Variants in PUM1 observed in about 807,000 individuals in gnomAD.
PUM1 encodes pumilio RNA binding family member 1, also known as pumilio homolog 1.
PUM1 carries 13 observed loss-of-function variants against 131.8 expected under a neutral mutation model. The ratio of observed to expected loss-of-function variants is 0.10; its 90% CI spans 0.06 to 0.16. The LOEUF (loss-of-function observed/expected upper bound fraction) is 0.16. PUM1 is among the 10% of genes least tolerant of loss of function. The pLI is 1.00. For missense variants in PUM1, 961 were observed against 1,512.4 expected (o/e 0.64, Z 6.05); for synonymous variants, 509 against 556.5 (o/e 0.91, Z 1.20).
At chr1:31,021,039 A>G (rs1169102164) in intron 3 of PUM1, among the ~76,000 whole-genome samples, 1 of 152,230 alleles carries the variant, frequency 6.6e-6, no homozygotes, top group Non-Finnish European at 1.5e-5. Flanking sequence ...TAATGAGGAT[A>G]TATTTCCATG....
intron 14 of PUM1, among the ~76,000 whole-genome samples, chr1:30,963,967 C>T (rs143728481): frequency 2.4e-4 from 37 of 152,176 alleles, no homozygotes; most frequent in Non-Finnish European, 4.4e-4. Context: ...AAAACATCTC[C>T]CATGTCCTGA....
intron 2 of PUM1, among the ~76,000 whole-genome samples, chr1:31,049,971 A>G (rs1157434883): frequency 2.0e-5 from 3 of 151,378 alleles, no homozygotes; most frequent in Non-Finnish European, 4.4e-5. Flanking sequence ...CTGGGACCAC[A>G]GGCACCCGCC....
At chr1:30,957,087 TACACACACACACACACACACACAC>T (rs58044891) in intron 14 of PUM1, among the ~76,000 whole-genome samples, 1 of 139,974 alleles carries the variant, frequency 7.1e-6, no homozygotes, top group Non-Finnish European at 1.5e-5. Context: ...AGGACATTCA[TACACACACACACACACACACACAC>T]ACACACACAC....
chr1:31,021,879 T>C (rs1175230715), intron 3 of PUM1, among the ~76,000 whole-genome samples: 1 of 152,048 alleles, frequency 6.6e-6, no homozygotes, highest in Non-Finnish European at 1.5e-5. Context: ...GGATTTGAGT[T>C]ATAAGAGATC....
chr1:30,973,236 G>C (rs1169577319), intron 10 of PUM1, among the ~76,000 whole-genome samples: 1 of 138,042 alleles, frequency 7.2e-6, no homozygotes, highest in Admixed American at 7.1e-5. Context: ...TTTTTTTTCT[G>C]TAATTGTGTG....
intron 20 of PUM1, among the ~76,000 whole-genome samples, chr1:30,938,876 GAGAT>G (rs56230812): frequency 0.24 from 35,486 of 147,078 alleles, 4,786 homozygotes; most frequent in East Asian, 0.42. Flanking sequence ...TTCATAGATA[GAGAT>G]AGATAGATAG....
At chr1:30,938,589 G>A (rs1486301757) in intron 20 of PUM1, among the ~76,000 whole-genome samples, 2 of 152,118 alleles carry the variant, frequency 1.3e-5, no homozygotes, top group Non-Finnish European at 2.9e-5. Flanking sequence ...TCTCAGCCGG[G>A]CACGGTGGCT....
chr1:31,000,082 C>T (rs1021762397), intron 5 of PUM1, among the ~76,000 whole-genome samples: 1 of 152,176 alleles, frequency 6.6e-6, no homozygotes, highest in Non-Finnish European at 1.5e-5. Context: ...TGTAGAGGTT[C>T]CTGCAAATGT....
chr1:30,942,683 T>C (rs1227832258), intron 18 of PUM1, among the ~76,000 whole-genome samples: 1 of 152,206 alleles, frequency 6.6e-6, no homozygotes, highest in East Asian at 1.9e-4. Context: ...CTCACAACTG[T>C]AATCAAGAAC....
At chr1:31,033,494 G>A (rs1299148175) in intron 2 of PUM1, among the ~76,000 whole-genome samples, 2 of 143,890 alleles carry the variant, frequency 1.4e-5, no homozygotes, top group South Asian at 2.3e-4. Context: ...CCGGGTTCAC[G>A]CCATTCTCCT....
intron 9 of PUM1, among the ~76,000 whole-genome samples, chr1:30,975,196 C>T (rs1641083906): frequency 6.6e-6 from 1 of 152,102 alleles, no homozygotes; most frequent in African/African-American, 2.4e-5. Context: ...AGGATGTATC[C>T]TATGTTCAAT....
chr1:30,967,875 C>T (rs888928300), intron 11 of PUM1, among the ~76,000 whole-genome samples: 3 of 152,142 alleles, frequency 2.0e-5, no homozygotes, highest in Non-Finnish European at 4.4e-5. Context: ...AACATATATT[C>T]AAGATGTATC....
At chr1:30,939,268 A>G (rs886319494) in intron 20 of PUM1, among the ~76,000 whole-genome samples, 7 of 152,264 alleles carry the variant, frequency 4.6e-5, no homozygotes, top group Admixed American at 1.3e-4. Context: ...ACTTGGCTAT[A>G]GTCAAACTAC....
intron 2 of PUM1, among the ~76,000 whole-genome samples, chr1:31,041,135 C>T (rs995619337): frequency 3.9e-5 from 6 of 152,016 alleles, no homozygotes; most frequent in Non-Finnish European, 5.9e-5. Flanking sequence ...GATATATCAA[C>T]CACAGAAACA....
rs1640615620 is a variant in PUM1, at chr1:30,966,282, TGAA to T, written c.1790-7_1790-5del. 1.3e-6 allele frequency: 2 copies of T among 1,581,010 alleles called. No homozygotes were observed. Among genetic ancestry groups the T allele is most frequent in the Admixed American group, 1.8e-5 (1 of 56,304 alleles). ...GAAGCTGCGGCTGCTGCAACAGCTA[TGAA>T]GAAGAAAGCAAACCGTTTGGCTATG... On this transcript the variant is annotated splice_region_variant and splice_polypyrimidine_tract_variant and intron_variant, in intron 12 of 21. Transcript: ENST00000426105.
chr1:31,015,176 G>A (rs1474261836), intron 3 of PUM1, among the ~76,000 whole-genome samples: 1 of 152,170 alleles, frequency 6.6e-6, no homozygotes, highest in African/African-American at 2.4e-5. Context: ...GTGTTTGTTA[G>A]TGCACTGGGA....
chr1:30,945,061 C>A (rs1043937431), intron 18 of PUM1, among the ~76,000 whole-genome samples: 6 of 151,926 alleles, frequency 3.9e-5, no homozygotes, highest in Non-Finnish European at 8.8e-5. Context: ...GGTGAGGCCA[C>A]TGTCTCTACA....
intron 21 of PUM1, 69 bp downstream of exon 21, chr1:30,936,574 C>G: frequency 1.4e-6 from 2 of 1,429,440 alleles, no homozygotes; most frequent in South Asian, 2.7e-5. Flanking sequence ...CACCCACCCT[C>G]CTTTGTGTTT....
chr1:30,998,300 A>G (rs144430075), intron 5 of PUM1, among the ~76,000 whole-genome samples: 7 of 152,344 alleles, frequency 4.6e-5, no homozygotes, highest in African/African-American at 1.4e-4. Context: ...GAGTAAAAAC[A>G]AAAGCACAAA....
Sources: allele counts gnomAD v4.1 joint callset (sites outside exome capture counted in the v4.1 genomes callset), GRCh38; gene constraint gnomAD v4.1.1; transcripts MANE v1.5; gene names NCBI Gene and HGNC (gene_info 2026-07-23, HGNC 2026-07-21).